Variants in DDX1 observed in about 807,000 individuals in gnomAD.
DDX1 encodes DEAD-box helicase 1.
Under a neutral mutation model 108.7 loss-of-function variants are expected in DDX1, and 28 were observed. The ratio of observed to expected loss-of-function variants is 0.26; its 90% CI spans 0.19 to 0.35. The LOEUF (loss-of-function observed/expected upper bound fraction) is 0.35, where lower values mean the gene tolerates loss of function less well. Among genes scored for constraint, DDX1 ranks in the 10% least tolerant of loss-of-function variants. DDX1 has a pLI of 1.00. For missense variants in DDX1, 710 were observed against 884.5 expected (o/e 0.80, Z 2.50); for synonymous variants, 295 against 288.9 (o/e 1.02, Z -0.21).
chr2:15,618,079 A>C (rs1411415649), intron 15 of DDX1, 102 bp from the exon 16 acceptor site: 1 of 608,816 alleles, frequency 1.6e-6, no homozygotes, highest in East Asian at 2.6e-5. Context: ...TAGTTTCCTT[A>C]TATTTTGTTT....
At chr2:15,601,688 C>T (rs1373209128) in intron 6 of DDX1, among the ~76,000 whole-genome samples, 10 of 152,152 alleles carry the variant, frequency 6.6e-5, no homozygotes, top group Admixed American at 6.5e-4. Flanking sequence ...TTTAAAAGTT[C>T]AGTTCTACAT....
At chr2:15,592,728 T>C (rs1167126467) in intron 1 of DDX1, among the ~76,000 whole-genome samples, 2 of 152,198 alleles carry the variant, frequency 1.3e-5, no homozygotes, top group East Asian at 1.9e-4. Flanking sequence ...CTAAACGTGA[T>C]ACATTTATGT....
At chr2:15,595,676 A>G in intron 3 of DDX1, 123 bp downstream of exon 3, 1 of 719,442 alleles carries the variant, frequency 1.4e-6, no homozygotes, top group Non-Finnish European at 2.4e-6. Flanking sequence ...TATTCAGACT[A>G]TTAGGTAAAA....
intron 5 of DDX1, among the ~76,000 whole-genome samples, chr2:15,598,732 G>C (rs1573036556): frequency 6.6e-6 from 1 of 152,172 alleles, no homozygotes; most frequent in East Asian, 1.9e-4. Flanking sequence ...AAATAATCTA[G>C]AAAGGATTTC....
chr2:15,605,872 C>G, intron 10 of DDX1, 78 bp from the exon 11 acceptor site: 2 of 972,648 alleles, frequency 2.1e-6, no homozygotes, highest in Non-Finnish European at 3.1e-6. Context: ...TGCAGGTAAG[C>G]TGGTAGATTT....
intron 12 of DDX1, among the ~76,000 whole-genome samples, chr2:15,606,814 A>G (rs922055768): frequency 1.3e-5 from 2 of 152,182 alleles, no homozygotes; most frequent in African/African-American, 4.8e-5. Context: ...AATTATTCCA[A>G]GTAGATTTTT....
intron 5 of DDX1, among the ~76,000 whole-genome samples, chr2:15,599,332 A>C (rs957652953): frequency 1.3e-4 from 20 of 149,738 alleles, no homozygotes; most frequent in Non-Finnish European, 2.4e-4. Context: ...TTTGAGATGG[A>C]GTCTCGCTCT....
intron 6 of DDX1, among the ~76,000 whole-genome samples, chr2:15,601,783 A>G (rs539271148): frequency 6.6e-6 from 1 of 152,348 alleles, no homozygotes; most frequent in East Asian, 1.9e-4. Context: ...TGAGGTGCTT[A>G]ACAGTTTGTT....
intron 23 of DDX1, among the ~76,000 whole-genome samples, 187 bp from the exon 24 acceptor site, chr2:15,629,415 C>T (rs568168346): frequency 6.6e-6 from 1 of 152,022 alleles, no homozygotes. Flanking sequence ...TCAAAAAGAA[C>T]TTTTTCAGAA....
In DDX1 at chr2:15,604,125, C is replaced by T. The variant is rs191827026; in HGVS notation, c.552+235C>T. Reference sequence around the variant, plus strand: ...TTGTCATCCCCTCCAAAATACATTACGTTGTCTTCTCTTTTCACCTCATTT... The same window carrying T: ...TTGTCATCCCCTCCAAAATACATTATGTTGTCTTCTCTTTTCACCTCATTT... On this transcript the variant is annotated intron_variant, in intron 9 of 25. Transcript: ENST00000233084. Among the ~76,000 whole-genome samples, 6 of 152,218 alleles carry T rather than the reference C, an allele frequency of 3.9e-5. No homozygotes were observed. In the East Asian group the frequency reaches 1.2e-3, roughly 29 times the overall value.
intron 5 of DDX1, chr2:15,599,266 C>CT (rs1357170373): frequency 8.1e-6 from 1 of 123,208 alleles, no homozygotes; most frequent in Non-Finnish European, 1.8e-5. Flanking sequence ...ACATAAAATA[C>CT]TTGTTTTTTT....
intron 4 of DDX1, 106 bp downstream of exon 4, chr2:15,596,869 A>C (rs1405175459): frequency 4.6e-6 from 4 of 864,370 alleles, no homozygotes; most frequent in Non-Finnish European, 7.3e-6. Context: ...AACCTCCAAA[A>C]GGTAAGGAAT....
intron 14 of DDX1, among the ~76,000 whole-genome samples, chr2:15,616,111 C>T (rs1665889567): frequency 6.6e-6 from 1 of 151,800 alleles, no homozygotes; most frequent in Admixed American, 6.6e-5. Flanking sequence ...CGGGGTTTCA[C>T]CATTTTGCCC....
At chr2:15,620,424 T>C (rs960930439) in intron 17 of DDX1, 28 bp downstream of exon 17, 3 of 1,569,484 alleles carry the variant, frequency 1.9e-6, no homozygotes, top group Middle Eastern at 1.7e-4. Flanking sequence ...TTAACATTTA[T>C]GTAGAATAAA....
intron 1 of DDX1, among the ~76,000 whole-genome samples, chr2:15,594,889 AT>A (rs967496028): frequency 6.6e-6 from 1 of 152,212 alleles, no homozygotes; most frequent in African/African-American, 2.4e-5. Context: ...AAGGTAGGCA[AT>A]ATCAGCCCCA....
chr2:15,595,686 A>T, intron 3 of DDX1, 133 bp downstream of exon 3: 2 of 663,672 alleles, frequency 3.0e-6, no homozygotes, highest in Admixed American at 2.6e-5. Context: ...ATTAGGTAAA[A>T]GCTTCAAACA....
chr2:15,620,640 A>T (rs891904846), intron 17 of DDX1, among the ~76,000 whole-genome samples: 5 of 152,174 alleles, frequency 3.3e-5, no homozygotes, highest in Non-Finnish European at 7.4e-5. Context: ...AGTAAATAAC[A>T]TATATTTATC....
intron 12 of DDX1, among the ~76,000 whole-genome samples, chr2:15,606,898 C>T (rs758445922): frequency 1.3e-5 from 2 of 152,178 alleles, no homozygotes; most frequent in Admixed American, 1.3e-4. Flanking sequence ...TCATAGCTCA[C>T]TGCAGCCTTG....
intron 5 of DDX1, 145 bp from the exon 6 acceptor site, chr2:15,599,524 G>T (rs539420853): frequency 2.1e-6 from 1 of 466,866 alleles, no homozygotes; most frequent in African/African-American, 2.0e-5. Context: ...CGTTGGCCAG[G>T]CTGGTCTTGA....
Sources: allele counts gnomAD v4.1 joint callset (sites outside exome capture counted in the v4.1 genomes callset), GRCh38; gene constraint gnomAD v4.1.1; transcripts MANE v1.5; gene names NCBI Gene and HGNC (gene_info 2026-07-23, HGNC 2026-07-21).